Variants in RASGEF1C observed in about 807,000 individuals in gnomAD.
RASGEF1C encodes the protein RasGEF domain family member 1C.
A neutral mutation model predicts 58.1 loss-of-function variants in RASGEF1C; 27 were observed. The ratio of observed to expected loss-of-function variants is 0.46; its 90% CI spans 0.34 to 0.64. The LOEUF (loss-of-function observed/expected upper bound fraction) is 0.64. Among genes scored for constraint, RASGEF1C ranks in the 30% least tolerant of loss-of-function variants. The pLI, the probability that RASGEF1C is intolerant of heterozygous loss-of-function variation, is 0.01. For synonymous variants in RASGEF1C, 243 were observed against 246.3 expected, an observed-to-expected ratio of 0.99 and a Z score of 0.13; for missense variants, 502 against 605.1, an observed-to-expected ratio of 0.83 and a Z score of 1.79.
At chr5:180,186,101 G>GAAAAAAAA (rs35778456) in intron 1 of RASGEF1C, among the ~76,000 whole-genome samples, 42 of 81,120 alleles carry the variant, frequency 5.2e-4, no homozygotes, top group East Asian at 1.1e-3. Flanking sequence ...TATCTCCACA[G>GAAAAAAAA]AAAAAAAAAA....
intron 1 of RASGEF1C, among the ~76,000 whole-genome samples, chr5:180,139,503 G>A (rs561426865): frequency 1.8e-4 from 27 of 152,322 alleles, no homozygotes; most frequent in South Asian, 6.2e-4. Context: ...GGGCTGTCCC[G>A]TGGCCATGTG....
At chr5:180,102,245 T>G in intron 12 of RASGEF1C, 102 bp from the exon 13 acceptor site, 1 of 704,088 alleles carries the variant, frequency 1.4e-6, no homozygotes, top group Non-Finnish European at 2.5e-6. Flanking sequence ...TTCTCTATTC[T>G]GTCCCATTGA....
intron 11 of RASGEF1C, among the ~76,000 whole-genome samples, chr5:180,113,783 G>GGGATGGATGGAGGGACCGA (rs1259476419): frequency 4.4e-4 from 67 of 150,682 alleles, no homozygotes; most frequent in African/African-American, 8.6e-4. Flanking sequence ...GGAGGGATTG[G>GGGATGGATGGAGGGACCGA]GGATGGATGG....
chr5:180,169,954 G>A (rs776419222), intron 1 of RASGEF1C, among the ~76,000 whole-genome samples: 110 of 152,200 alleles, frequency 7.2e-4, no homozygotes, highest in Admixed American at 1.7e-3. Context: ...CCCCTCCCTC[G>A]GAGACCTTCC....
rs1048204559 is a variant in RASGEF1C, at chr5:180,177,577, G to C, written c.-7+31451C>G. Among the ~76,000 whole-genome samples the C allele has an allele frequency of 3.3e-5, 5 of 152,232 alleles. No homozygotes were observed. The highest frequency in any genetic ancestry group is 1.2e-4 in the African/African-American group (5 of 41,458). ...GCATCTGTTCTTCCCTCTGAAAACA[G>C]AGCCCATTTGTCCTTCCTCTCCTGC... On this transcript the variant is annotated intron_variant, in intron 1 of 13. Coordinates refer to ENST00000361132, the MANE Select transcript of RASGEF1C (RefSeq NM_175062.4). This position sits in a 1 kb window ranked among gnomAD's most constrained non-coding sequence, Gnocchi z 5.0.
chr5:180,118,352 C>A (rs1221211066), intron 10 of RASGEF1C, among the ~76,000 whole-genome samples: 1 of 109,750 alleles, frequency 9.1e-6, no homozygotes, highest in Admixed American at 8.0e-5. Context: ...ACTCGTGTGG[C>A]CCCCCAAGAA....
rs1766845554 is a variant in RASGEF1C, at chr5:180,156,266, C to T, written c.-6-18208G>A. Among the ~76,000 whole-genome samples the T allele has an allele frequency of 6.6e-6, 1 of 152,214 alleles. No homozygotes were observed. The stretch of plus-strand genomic sequence containing the variant: ...CAAGGAGAGGACGGCACTGCCCCTG[C>T]TGGACGGAGGCTCCAGGAGGTGAGC... On this transcript the variant is annotated intron_variant, in intron 1 of 13. Transcript: ENST00000361132. The surrounding 1 kb of genome is among the most constrained non-coding windows in gnomAD (Gnocchi z 4.9).
chr5:180,190,505 A>AT (rs1561756813), intron 1 of RASGEF1C, among the ~76,000 whole-genome samples: 7 of 99,528 alleles, frequency 7.0e-5, no homozygotes, highest in African/African-American at 2.3e-4. Context: ...AAAAAAAAAA[A>AT]AAATAATAAT....
intron 1 of RASGEF1C, among the ~76,000 whole-genome samples, chr5:180,192,707 A>T (rs960175892): frequency 6.6e-6 from 1 of 151,904 alleles, no homozygotes; most frequent in African/African-American, 2.4e-5. Context: ...GGTTGGATAT[A>T]CTGGGTTAAA....
At chr5:180,152,096 T>C (rs1469857306) in intron 1 of RASGEF1C, among the ~76,000 whole-genome samples, 2 of 150,830 alleles carry the variant, frequency 1.3e-5, no homozygotes, top group Admixed American at 6.6e-5. Context: ...TGTGGAGAAA[T>C]AGGAACACTT....
At chr5:180,103,763 C>G (rs561125888) in intron 12 of RASGEF1C, among the ~76,000 whole-genome samples, 6 of 152,156 alleles carry the variant, frequency 3.9e-5, no homozygotes, top group African/African-American at 1.4e-4. Context: ...ATTGGTCTTA[C>G]GAGGAAAGCA....
rs575815808 is a variant in RASGEF1C, at chr5:180,137,108, C to T, written c.300+482G>A. On this transcript the variant is annotated intron_variant, in intron 3 of 13. Transcript: ENST00000361132. The surrounding 1 kb of genome is among the most constrained non-coding windows in gnomAD (Gnocchi z 4.1). Reference sequence around the variant, plus strand: ...CGGTGCAGTGCTGTGGTGTGAGGCCCGAGCCAGCGGTCCCTGAGATAGGGC... The same window carrying T: ...CGGTGCAGTGCTGTGGTGTGAGGCCTGAGCCAGCGGTCCCTGAGATAGGGC... Among the ~76,000 whole-genome samples, 4 of 152,200 alleles carry T rather than the reference C, an allele frequency of 2.6e-5. No individual in the cohort carries two copies. The highest frequency in any genetic ancestry group is 9.6e-5 in the African/African-American group (4 of 41,546).
chr5:180,152,637 A>G (rs967018018), intron 1 of RASGEF1C, among the ~76,000 whole-genome samples: 10 of 151,238 alleles, frequency 6.6e-5, no homozygotes, highest in Admixed American at 1.3e-4. Context: ...TGGGTGCAGC[A>G]CACCAACATG....
chr5:180,181,929 C>T (rs1400363339), intron 1 of RASGEF1C, among the ~76,000 whole-genome samples: 6 of 149,942 alleles, frequency 4.0e-5, no homozygotes, highest in Non-Finnish European at 8.9e-5. Context: ...ATGGGCCGGG[C>T]GCAGTGGCTC....
chr5:180,111,414 G>C (rs374576729), intron 12 of RASGEF1C, 43 bp downstream of exon 12: 127 of 1,613,484 alleles, frequency 7.9e-5, no homozygotes, highest in Non-Finnish European at 1.0e-4. Context: ...CTACCCCAGA[G>C]TTCCGTGGCC....
intron 12 of RASGEF1C, among the ~76,000 whole-genome samples, chr5:180,110,878 C>T (rs986242632): frequency 2.0e-5 from 3 of 151,814 alleles, no homozygotes; most frequent in Non-Finnish European, 4.4e-5. Flanking sequence ...TGCAGTGGTG[C>T]GATCTCGGCT....
rs904536571 is a variant in RASGEF1C, at chr5:180,101,513, C to T, written c.1389G>A (p.Leu463=). ...CAGCTCAGCGCTTTCATGTCTTCCC[C>T]AAAATAGAAGATCTGCAGATTTAAG... ...ERWKALRSSI[L]GKT Residue 463 remains leucine, a synonymous_variant, in exon 14 of 14, where the codon TTG becomes TTA. Coordinates refer to ENST00000361132, the MANE Select transcript of RASGEF1C (RefSeq NM_175062.4). 6.2e-7 allele frequency: 1 copy of T among 1,612,202 alleles called. No homozygotes were observed.
chr5:180,115,902 C>A (rs1766059224), intron 10 of RASGEF1C, among the ~76,000 whole-genome samples: 1 of 152,124 alleles, frequency 6.6e-6, no homozygotes, highest in Non-Finnish European at 1.5e-5. Context: ...TGTCTGTGCC[C>A]TCCCTCAGTG....
At chr5:180,176,766 C>T (rs1008790792) in intron 1 of RASGEF1C, among the ~76,000 whole-genome samples, 14 of 152,076 alleles carry the variant, frequency 9.2e-5, no homozygotes, top group Non-Finnish European at 2.9e-5. Flanking sequence ...CCATGTTGGC[C>T]AGGATGGTCT....
Sources: gnomAD v4.1 joint callset for allele counts (sites outside exome capture counted in the v4.1 genomes callset) on GRCh38, gnomAD v4.1.1 for gene constraint, Gnocchi (gnomAD v3.1) non-coding constraint, MANE v1.5 for transcripts, NCBI Gene and HGNC (gene_info 2026-07-23, HGNC 2026-07-21) for gene names.